Variants in MSRA observed in about 807,000 individuals in gnomAD.
The protein encoded by MSRA is mitochondrial peptide methionine sulfoxide reductase.
A neutral mutation model predicts 31.3 loss-of-function variants in MSRA; 54 were observed. The ratio of observed to expected loss-of-function variants is 1.73; its 90% CI spans 1.39 to 2.17. The LOEUF is 2.17. MSRA is among the 30% of genes most tolerant of loss of function. The pLI is 0.00. For missense variants in MSRA, 507 were observed against 300.9 expected (o/e 1.69, Z -5.07); for synonymous variants, 169 against 116.5 (o/e 1.45, Z -2.90).
chr8:10,379,977 G>T (rs1255822897), intron 5 of MSRA, among the ~76,000 whole-genome samples: 1 of 152,202 alleles, frequency 6.6e-6, no homozygotes, highest in African/African-American at 2.4e-5. Flanking sequence ...ACGAGAGGGT[G>T]GGCCTACAAT....
At chr8:10,079,743 T>G (rs562151512) in intron 1 of MSRA, among the ~76,000 whole-genome samples, 1 of 152,254 alleles carries the variant, frequency 6.6e-6, no homozygotes, top group Non-Finnish European at 1.5e-5. Context: ...CCACAAAGTG[T>G]TTCCCTGTCA....
chr8:10,274,221 A>G (rs1189272612), intron 3 of MSRA, among the ~76,000 whole-genome samples: 1 of 152,198 alleles, frequency 6.6e-6, no homozygotes, highest in East Asian at 1.9e-4. Context: ...AGTGTAGTTA[A>G]ATTCCAGACA....
chr8:10,174,982 C>T (rs1317053407), intron 1 of MSRA, among the ~76,000 whole-genome samples: 1 of 152,206 alleles, frequency 6.6e-6, no homozygotes, highest in Non-Finnish European at 1.5e-5. Flanking sequence ...ACAGCCATCA[C>T]TTCTGAACTT....
intron 1 of MSRA, among the ~76,000 whole-genome samples, chr8:10,106,051 A>G (rs1372510176): frequency 1.3e-5 from 2 of 152,188 alleles, no homozygotes; most frequent in African/African-American, 4.8e-5. Context: ...TCCTATAGGA[A>G]CCCTCCTTGG....
intron 2 of MSRA, among the ~76,000 whole-genome samples, chr8:10,221,225 C>T (rs951260936): frequency 2.0e-5 from 3 of 152,186 alleles, no homozygotes; most frequent in African/African-American, 4.8e-5. Context: ...AATGACCAGA[C>T]ATCTGCACCA....
At chr8:10,152,879 T>C (rs1188650991) in intron 1 of MSRA, among the ~76,000 whole-genome samples, 2 of 152,168 alleles carry the variant, frequency 1.3e-5, no homozygotes, top group African/African-American at 4.8e-5. Flanking sequence ...CTTGAGGACA[T>C]GATGCTATGA....
intron 1 of MSRA, among the ~76,000 whole-genome samples, chr8:10,055,750 G>T (rs913323932): frequency 2.6e-5 from 4 of 152,208 alleles, no homozygotes; most frequent in Non-Finnish European, 4.4e-5. Context: ...AAGAATTGTT[G>T]AGGATAGGAG....
chr8:10,406,634 C>T (rs79316873), intron 5 of MSRA, among the ~76,000 whole-genome samples: 59 of 152,270 alleles, frequency 3.9e-4, no homozygotes, highest in African/African-American at 1.4e-3. Context: ...CTCTCTTTTC[C>T]CTCCTGGCAT....
rs531100987 is a variant in MSRA, at chr8:10,425,392, C to G, written c.544-2756C>G. On this transcript the variant is annotated intron_variant, in intron 5 of 5. Coordinates refer to ENST00000317173, the MANE Select transcript of MSRA (RefSeq NM_012331.5). Reference sequence around the variant, plus strand: ...CTGCCGAGGCCCACCGGCAAACCTCCCTTCCGGGCTCCCCAAGGGGGTCCC... The same window carrying G: ...CTGCCGAGGCCCACCGGCAAACCTCGCTTCCGGGCTCCCCAAGGGGGTCCC... Among the ~76,000 whole-genome samples the G allele has an allele frequency of 3.3e-5, 5 of 152,344 alleles. 1 individual carries two copies. The East Asian group carries it at 9.7e-4, about 29-fold the overall frequency.
chr8:10,255,353 GC>G, intron 3 of MSRA, among the ~76,000 whole-genome samples: 1 of 152,344 alleles, frequency 6.6e-6, no homozygotes, highest in South Asian at 2.1e-4. Context: ...CGGGCCAGGA[GC>G]CCCAGGCAGA....
intron 2 of MSRA, among the ~76,000 whole-genome samples, chr8:10,211,577 G>C (rs1809497875): frequency 6.6e-6 from 1 of 152,176 alleles, no homozygotes; most frequent in Non-Finnish European, 1.5e-5. Flanking sequence ...CCTGGTAGCT[G>C]TGAGTGCCCC....
At chr8:10,165,286 A>T (rs750897326) in intron 1 of MSRA, among the ~76,000 whole-genome samples, 15 of 152,124 alleles carry the variant, frequency 9.9e-5, no homozygotes, top group Non-Finnish European at 2.2e-4. Flanking sequence ...AAGAACAACC[A>T]CTCTGCTCTC....
intron 5 of MSRA, among the ~76,000 whole-genome samples, chr8:10,376,862 T>C (rs17151838): frequency 0.013 from 2,036 of 152,310 alleles, 45 homozygotes; most frequent in African/African-American, 0.046. Flanking sequence ...CCACAATAAA[T>C]ACGCAGGTGC....
chr8:10,316,527 CCTCTCTCTCTCTCTCTCTCT>C (rs139421344), intron 4 of MSRA, among the ~76,000 whole-genome samples: 238 of 112,632 alleles, frequency 2.1e-3, no homozygotes, highest in South Asian at 3.5e-3. Context: ...TTTGATGATC[CCTCTCTCTCTCTCTCTCTCT>C]CTCTCTCTCT....
chr8:10,107,134 C>T (rs1224154281), intron 1 of MSRA, among the ~76,000 whole-genome samples: 1 of 152,194 alleles, frequency 6.6e-6, no homozygotes, highest in Non-Finnish European at 1.5e-5. Flanking sequence ...TGGCCAAGCG[C>T]AGTGACTGTT....
At chr8:10,389,257 G>T (rs1018151306) in intron 5 of MSRA, among the ~76,000 whole-genome samples, 19 of 152,168 alleles carry the variant, frequency 1.2e-4, no homozygotes, top group South Asian at 4.2e-4. Flanking sequence ...AGCCAGGCTT[G>T]AGAACCACCG....
At chr8:10,318,582 T>C (rs1424312633) in intron 4 of MSRA, among the ~76,000 whole-genome samples, 2 of 152,192 alleles carry the variant, frequency 1.3e-5, no homozygotes, top group Non-Finnish European at 2.9e-5. Context: ...CAAAATATAA[T>C]TTTGGTTAAT....
chr8:10,313,931 C>G lies in MSRA; in HGVS notation c.437-5952C>G, dbSNP rs138317348. 3.4e-3 allele frequency among the ~76,000 whole-genome samples: 522 copies of G among 152,236 alleles called. 2 individuals carry two copies. Among genetic ancestry groups the G allele is most frequent in the African/African-American group, 0.012 (500 of 41,538 alleles). On this transcript the variant is annotated intron_variant, in intron 4 of 5. Coordinates refer to ENST00000317173, the MANE Select transcript of MSRA (RefSeq NM_012331.5). ...ACTGGGGAAATAATGGCTTCTTAAT[C>G]AATAGTGATAAGATAATTTTCTTAT...
intron 1 of MSRA, among the ~76,000 whole-genome samples, chr8:10,067,192 A>G (rs1202522007): frequency 6.6e-6 from 1 of 151,744 alleles, no homozygotes; most frequent in East Asian, 1.9e-4. Flanking sequence ...CTTCCCAAGA[A>G]CCCCTTGCAA....
Sources: allele counts gnomAD v4.1 joint callset (sites outside exome capture counted in the v4.1 genomes callset), GRCh38; gene constraint gnomAD v4.1.1; transcripts MANE v1.5; gene names NCBI Gene and HGNC (gene_info 2026-07-23, HGNC 2026-07-21).